CDK14: variants seen among roughly 807,000 people sequenced by gnomAD.
CDK14 encodes the protein cyclin-dependent kinase 14.
CDK14 carries 34 observed loss-of-function variants against 60.7 expected under a neutral mutation model. That is an observed-to-expected ratio of 0.56 (90% CI 0.43 to 0.75). The LOEUF (loss-of-function observed/expected upper bound fraction) is 0.75, where lower values mean the gene tolerates loss of function less well. CDK14 is among the 30% of genes least tolerant of loss of function. The pLI, the probability that CDK14 is intolerant of heterozygous loss-of-function variation, is 0.00. For missense variants in CDK14, 482 were observed against 564.1 expected (o/e 0.85, Z 1.47); for synonymous variants, 197 against 203.7 (o/e 0.97, Z 0.28).
chr7:90,609,052 G>A (rs1799481709), intron 2 of CDK14, among the ~76,000 whole-genome samples: 4 of 151,810 alleles, frequency 2.6e-5, no homozygotes, highest in Admixed American at 2.6e-4. Context: ...TTTGAGACTT[G>A]GTGTCCCTTG....
intron 3 of CDK14, among the ~76,000 whole-genome samples, chr7:90,740,175 G>A (rs192196623): frequency 2.6e-4 from 39 of 149,438 alleles, no homozygotes; most frequent in African/African-American, 8.6e-4. Flanking sequence ...CTTCTCCTCC[G>A]TTTCTTTCTA....
intron 6 of CDK14, among the ~76,000 whole-genome samples, chr7:90,878,106 G>A (rs186499356): frequency 1.0e-3 from 151 of 151,526 alleles, no homozygotes; most frequent in African/African-American, 3.4e-3. Context: ...GAGAGAGAGA[G>A]AGAGACAGAG....
In CDK14 at chr7:90,765,883, A is replaced by G. The variant is rs531837453; in HGVS notation, c.464+18108A>G. Among the ~76,000 whole-genome samples the G allele has an allele frequency of 1.4e-4, 22 of 152,304 alleles. 1 individual carries two copies. In the South Asian group the frequency reaches 3.9e-3, roughly 27 times the overall value. On this transcript the variant is annotated intron_variant, in intron 4 of 14. Transcript: ENST00000380050. ...GTTATTAAGGAAACACTTGAAGTATATTCTTGATGGAGAAATCTGAGGAGC... is the reference window on the plus strand; with the variant it reads ...GTTATTAAGGAAACACTTGAAGTATGTTCTTGATGGAGAAATCTGAGGAGC...
intron 4 of CDK14, among the ~76,000 whole-genome samples, chr7:90,775,145 CAG>C (rs1804963636): frequency 6.6e-6 from 1 of 152,130 alleles, no homozygotes; most frequent in South Asian, 2.1e-4. Context: ...GAAACAGAAA[CAG>C]AATGCTTTAA....
At chr7:91,106,868 A>G (rs1799317762) in intron 12 of CDK14, among the ~76,000 whole-genome samples, 1 of 152,176 alleles carries the variant, frequency 6.6e-6, no homozygotes. Context: ...TTGGTCATGC[A>G]TTTGCAAAGT....
At chr7:90,658,565 T>G (rs1750997708) in intron 2 of CDK14, among the ~76,000 whole-genome samples, 1 of 152,174 alleles carries the variant, frequency 6.6e-6, no homozygotes, top group South Asian at 2.1e-4. Flanking sequence ...CACTGTATGG[T>G]CTTTTGTCAC....
chr7:90,854,124 T>C (rs17163296), intron 5 of CDK14, among the ~76,000 whole-genome samples: 8,952 of 152,266 alleles, frequency 0.059, 827 homozygotes, highest in African/African-American at 0.2. Flanking sequence ...TTTAAACTTA[T>C]CTGTAGAAGA....
Position 90,598,806 on chromosome 7 carries a change from G to A in CDK14, c.91+2088G>A, listed in dbSNP as rs1458303583. On this transcript the variant is annotated intron_variant, in intron 1 of 14. Transcript: ENST00000380050. ...TGCAAGCTCCGCCTCCCGGGTTCACGCCATTCTCCTGCCTCAGCCTCCCAA... is the reference window on the plus strand; with the variant it reads ...TGCAAGCTCCGCCTCCCGGGTTCACACCATTCTCCTGCCTCAGCCTCCCAA... 3.6e-5 allele frequency among the ~76,000 whole-genome samples: 5 copies of A among 140,350 alleles called. No homozygotes were observed. In the Admixed American group the frequency reaches 3.7e-4, roughly 10 times the overall value. The allele number at this position is 140,350 out of a possible 152,430, so 92.1% of individuals were successfully genotyped here.
At chr7:91,187,860 G>A (rs1041766768) in intron 14 of CDK14, among the ~76,000 whole-genome samples, 10 of 152,140 alleles carry the variant, frequency 6.6e-5, no homozygotes, top group Non-Finnish European at 1.2e-4. Flanking sequence ...TATGCAAATG[G>A]AGTCTTTGCC....
In CDK14 at chr7:90,773,846, C is replaced by CCT. The variant is rs1804888771; in HGVS notation, c.465-16723_465-16722dup. 8.6e-5 allele frequency among the ~76,000 whole-genome samples: 3 copies of CCT among 34,790 alleles called. No homozygotes were observed. In the South Asian group the frequency reaches 2.8e-3, roughly 32 times the overall value. 22.8% of individuals were successfully genotyped at this position (34,790 alleles called of 152,430 possible). A position where few individuals can be genotyped will look rare whatever the true frequency, so the allele number is the denominator to read the frequency against. On this transcript the variant is annotated intron_variant, in intron 4 of 14. Transcript: ENST00000380050. ...CTCTGGCATAGGTCTTCTCTTCCCT[C>CCT]CTCTCCTCTCCTCTCCTCTCCTCTC...
chr7:90,762,147 G>A (rs1243187775), intron 4 of CDK14, among the ~76,000 whole-genome samples: 1 of 152,160 alleles, frequency 6.6e-6, no homozygotes, highest in Non-Finnish European at 1.5e-5. Flanking sequence ...TTATGCATAG[G>A]TCTGAAGGAG....
chr7:90,684,290 A>G (rs1015401980), intron 2 of CDK14, among the ~76,000 whole-genome samples: 2 of 152,190 alleles, frequency 1.3e-5, no homozygotes, highest in Non-Finnish European at 2.9e-5. Context: ...CTTTTATTGT[A>G]TATATTTAAT....
At chr7:90,613,138 A>G (rs1262973676) in intron 2 of CDK14, among the ~76,000 whole-genome samples, 1 of 152,208 alleles carries the variant, frequency 6.6e-6, no homozygotes, top group African/African-American at 2.4e-5. Flanking sequence ...ACAGTGGCTC[A>G]AATGTCTGCG....
chr7:90,792,984 C>T (rs1036601366), intron 5 of CDK14, among the ~76,000 whole-genome samples: 6 of 152,158 alleles, frequency 3.9e-5, no homozygotes, highest in African/African-American at 1.4e-4. Flanking sequence ...GTTTCTTTGT[C>T]CATTTATCCA....
At chr7:91,048,924 G>A (rs959948025) in intron 11 of CDK14, among the ~76,000 whole-genome samples, 1 of 152,030 alleles carries the variant, frequency 6.6e-6, no homozygotes, top group African/African-American at 2.4e-5. Flanking sequence ...GCCCAGGTGG[G>A]ACTGCAGTGG....
intron 11 of CDK14, among the ~76,000 whole-genome samples, chr7:91,077,647 CGTAAA>C (rs1401148104): frequency 1.3e-5 from 2 of 150,366 alleles, no homozygotes; most frequent in Non-Finnish European, 3.0e-5. Context: ...TATCCTGGAA[CGTAAA>C]GTAAAGTAAA....
intron 10 of CDK14, among the ~76,000 whole-genome samples, chr7:91,028,346 C>T (rs1199664798): frequency 6.6e-6 from 1 of 152,086 alleles, no homozygotes; most frequent in African/African-American, 2.4e-5. Flanking sequence ...TAGGTTGATT[C>T]TGTATTTTTC....
intron 8 of CDK14, among the ~76,000 whole-genome samples, chr7:90,942,340 G>A (rs1444505288): frequency 3.3e-5 from 5 of 152,078 alleles, no homozygotes; most frequent in African/African-American, 9.7e-5. Context: ...AGCACATAAC[G>A]TTTATACAAG....
chr7:90,990,126 T>C (rs1360261346), intron 10 of CDK14, among the ~76,000 whole-genome samples: 6 of 152,086 alleles, frequency 3.9e-5, no homozygotes, highest in Non-Finnish European at 1.5e-5. Context: ...TTAACAAAAA[T>C]AATACAGTAC....
Sources: allele counts gnomAD v4.1 joint callset (sites outside exome capture counted in the v4.1 genomes callset), GRCh38; gene constraint gnomAD v4.1.1; transcripts MANE v1.5; gene names NCBI Gene and HGNC (gene_info 2026-07-23, HGNC 2026-07-21).